LLGL2: variants seen among roughly 807,000 people sequenced by gnomAD.
LLGL2 encodes LLGL2, scribble cell polarity complex component.
In LLGL2, 81 loss-of-function variants were observed where a neutral mutation model predicts 123.2. The observed-to-expected ratio is 0.66, with a 90% CI of 0.55 to 0.79. The LOEUF (loss-of-function observed/expected upper bound fraction) is 0.79, where lower values mean the gene tolerates loss of function less well. Among genes scored for constraint, LLGL2 ranks in the 30% least tolerant of loss-of-function variants. The pLI, the probability that LLGL2 is intolerant of heterozygous loss-of-function variation, is 0.00. For synonymous variants in LLGL2, 577 were observed against 594.1 expected, an observed-to-expected ratio of 0.97 and a Z score of 0.42; for missense variants, 1,273 against 1,414.6, an observed-to-expected ratio of 0.90 and a Z score of 1.61.
At position 75,543,458 on chromosome 17, in the gene LLGL2, C is replaced by T; in HGVS notation, c.32C>T (p.Pro11Leu). 1 of 1,612,224 alleles carries T rather than the reference C, an allele frequency of 6.2e-7. No individual in the cohort carries two copies. The highest frequency in any genetic ancestry group is 1.3e-5 in the African/African-American group (1 of 75,008). ...CGGTTCCTGAGGCCAGGGCATGACC[C>T]TGTGCGGGAGAGGCTCAAGCGGGAC... MRRFLRPGHD[P>L]VRERLKRDLF... Residue 11 changes from proline (P) to leucine (L), a missense_variant, in exon 2 of 26, where the codon CCT becomes CTT. Transcript: ENST00000392550.
intron 1 of LLGL2, among the ~76,000 whole-genome samples, chr17:75,537,567 G>A (rs970804348): frequency 2.0e-5 from 3 of 152,162 alleles, no homozygotes; most frequent in African/African-American, 7.2e-5. Flanking sequence ...GCATGGTGGT[G>A]GACACCTGTA....
In LLGL2 at chr17:75,559,399, G is replaced by A. The variant is rs762056131; in HGVS notation, c.519G>A (p.Ala173=). The part of the protein sequence containing the change: ...ALEDRTISSD[A]VLQRLPEEAR... ...AGGACCGGACCATCAGCTCGGACGC[G>A]GTGCTGCAGCGGTGAGCCCAGAGCC... The change falls in exon 6 of 26, where the codon GCG becomes GCA. Residue 173 remains alanine (A), a synonymous_variant. Coordinates refer to ENST00000392550, the MANE Select transcript of LLGL2 (RefSeq NM_001031803.2). This position sits in a 1 kb window ranked among gnomAD's most constrained non-coding sequence, Gnocchi z 4.6. 3.5e-5 allele frequency: 57 copies of A among 1,608,444 alleles called. No individual in the cohort carries two copies. Among genetic ancestry groups the A allele is most frequent in the Middle Eastern group, 1.7e-4 (1 of 6,046 alleles).
chr17:75,575,102 A>G lies in LLGL2; in HGVS notation c.*224A>G. On this transcript the variant is annotated 3_prime_UTR_variant, in exon 26 of 26. Transcript: ENST00000392550. ...GTCTGGGTCCTTTGGTCAATGTTGC[A>G]CAGTTTTTATTGCTCCCATCCCTTT... 1 of 614,912 alleles carries G rather than the reference A, an allele frequency of 1.6e-6. No individual in the cohort carries two copies. Among genetic ancestry groups the G allele is most frequent in the Non-Finnish European group, 2.9e-6 (1 of 344,958 alleles). 38.1% of individuals were successfully genotyped at this position (614,912 alleles called of 1,614,324 possible).
intron 1 of LLGL2, among the ~76,000 whole-genome samples, chr17:75,540,896 C>T (rs555307724): frequency 1.3e-5 from 2 of 152,300 alleles, no homozygotes; most frequent in African/African-American, 4.8e-5. Flanking sequence ...ATTCAGCGAC[C>T]CATGACTGTG....
intron 16 of LLGL2, among the ~76,000 whole-genome samples, 172 bp downstream of exon 16, chr17:75,570,670 A>G (rs1302732895): frequency 2.0e-5 from 3 of 152,226 alleles, no homozygotes; most frequent in African/African-American, 7.2e-5. Flanking sequence ...TCTCTGCCTC[A>G]GCTTCCTGAG....
At chr17:75,532,642 C>T (rs1717158190) in intron 1 of LLGL2, 1 of 152,230 alleles carries the variant, frequency 6.6e-6, no homozygotes, top group South Asian at 2.1e-4. Context: ...TCAGGCTGGT[C>T]TCTAACTCCT....
In LLGL2 at chr17:75,573,149, G is replaced by A; in HGVS notation, c.2596G>A (p.Val866Ile). ...GGACTACGGGGAGCACCACCTGGCA[G>A]TCCTTACCAACCTGGGCGACATCCA... Reference protein sequence around the residue: ...AEDYGEHHLAVLTNLGDIQVV... With the variant: ...AEDYGEHHLAILTNLGDIQVV... The change falls in exon 20 of 26, where the codon GTC becomes ATC. Residue 866 changes from valine (V) to isoleucine (I), a missense_variant. Val to Ile is a conservative substitution (Grantham distance 29). Transcript: ENST00000392550. 3.1e-6 allele frequency: 5 copies of A among 1,613,100 alleles called. No homozygotes were observed. The highest frequency in any genetic ancestry group is 4.2e-6 in the Non-Finnish European group (5 of 1,179,970).
Position 75,564,517 on chromosome 17 carries a change from C to T in LLGL2, c.1036+10C>T. On this transcript the variant is annotated intron_variant, in intron 10 of 25. Coordinates refer to ENST00000392550, the MANE Select transcript of LLGL2 (RefSeq NM_001031803.2). The surrounding 1 kb of genome is among the most constrained non-coding windows in gnomAD (Gnocchi z 4.9). ...GCAGACCCTGCAGCCAGTAGGAGAG[C>T]TTCGGGAGTGGGTGCCCAGGGTTAG... The T allele has an allele frequency of 6.2e-7, 1 of 1,612,998 alleles. No homozygotes were observed. Among genetic ancestry groups the T allele is most frequent in the African/African-American group, 1.3e-5 (1 of 75,032 alleles).
At chr17:75,550,282 C>T (rs550702045) in intron 2 of LLGL2, among the ~76,000 whole-genome samples, 1 of 152,324 alleles carries the variant, frequency 6.6e-6, no homozygotes, top group African/African-American at 2.4e-5. Flanking sequence ...GGGCTGAGCC[C>T]AACCTCCTGT....
chr17:75,558,015 A>G lies in LLGL2; in HGVS notation c.174-140A>G, dbSNP rs764575191. ...GTGTCTCCTCCCCACCCTAGGCTCC[A>G]TGCATGGGTCCTGCTGCCTCGGGGG... On this transcript the variant is annotated intron_variant, in intron 3 of 25. Coordinates refer to ENST00000392550, the MANE Select transcript of LLGL2 (RefSeq NM_001031803.2). This position sits in a 1 kb window ranked among gnomAD's most constrained non-coding sequence, Gnocchi z 4.0. The G allele has an allele frequency of 1.2e-6, 1 of 824,616 alleles. No homozygotes were observed. The highest frequency in any genetic ancestry group is 2.1e-6 in the Non-Finnish European group (1 of 474,046). The allele number at this position is 824,616 out of a possible 1,614,324, so 51.1% of individuals were successfully genotyped here. A position where few individuals can be genotyped will look rare whatever the true frequency, so the allele number is the denominator to read the frequency against.
At chr17:75,571,480 C>G in intron 17 of LLGL2, 187 bp from the exon 18 acceptor site, 2 of 600,608 alleles carry the variant, frequency 3.3e-6, no homozygotes, top group Middle Eastern at 4.4e-4. Flanking sequence ...GGCTGGTTCT[C>G]CCCTGCTGTA....
chr17:75,551,425 C>G (rs544606786), intron 2 of LLGL2, among the ~76,000 whole-genome samples: 3 of 132,774 alleles, frequency 2.3e-5, no homozygotes, highest in African/African-American at 8.5e-5. Flanking sequence ...GGAAGGGATA[C>G]AAAGCTTAGT....
chr17:75,558,536 G>T lies in LLGL2; in HGVS notation c.280G>T (p.Asp94Tyr). 1 of 1,606,818 alleles carries T rather than the reference G, an allele frequency of 6.2e-7. No individual in the cohort carries two copies. Among genetic ancestry groups the T allele is most frequent in the South Asian group, 1.1e-5 (1 of 89,458 alleles). ...GQCQLVTLLD[D>Y]NSLHLWSLKV... ...GTGCCAGCTGGTCACCCTGCTGGAT[G>T]ACAACAGCCTGCACCTTTGGAGCCT... The change falls in exon 5 of 26, where the codon GAC becomes TAC. Residue 94 changes from aspartate (D) to tyrosine (Y), a missense_variant. By Grantham distance (160) the Asp-to-Tyr change is radical. Coordinates refer to ENST00000392550, the MANE Select transcript of LLGL2 (RefSeq NM_001031803.2). This position sits in a 1 kb window ranked among gnomAD's most constrained non-coding sequence, Gnocchi z 4.0.
rs1488409443 is a variant in LLGL2, at chr17:75,568,703, GC to G, written c.1254+13del. 1 of 1,613,186 alleles carries G rather than the reference GC, an allele frequency of 6.2e-7. No individual in the cohort carries two copies. Among genetic ancestry groups the G allele is most frequent in the African/African-American group, 1.3e-5 (1 of 74,804 alleles). On this transcript the variant is annotated intron_variant, in intron 11 of 25. Transcript: ENST00000392550. Reference sequence around the variant, plus strand: ...ACACTTCTCCACCATGGTAGGTCTGGCCCTGGCCCCAGCCCCAGCCCCACCG... The same window carrying G: ...ACACTTCTCCACCATGGTAGGTCTGGCCTGGCCCCAGCCCCAGCCCCACCG...
At position 75,559,026 on chromosome 17, in the gene LLGL2, G is replaced by A. The variant is rs1206094691; in HGVS notation, c.372-226G>A. 1.2e-5 allele frequency: 7 copies of A among 595,788 alleles called. No individual in the cohort carries two copies. Among genetic ancestry groups the A allele is most frequent in the Admixed American group, 3.0e-5 (1 of 32,992 alleles). 36.9% of individuals were successfully genotyped at this position (595,788 alleles called of 1,614,324 possible). On this transcript the variant is annotated intron_variant, in intron 5 of 25. Transcript: ENST00000392550. This position sits in a 1 kb window ranked among gnomAD's most constrained non-coding sequence, Gnocchi z 4.6. ...ACCCCGCCTCCTCCATCCGCACCCCGTGTTATGCTGGAGGGTCCCTGGCGT... is the reference window on the plus strand; with the variant it reads ...ACCCCGCCTCCTCCATCCGCACCCCATGTTATGCTGGAGGGTCCCTGGCGT...
At position 75,563,496 on chromosome 17, in the gene LLGL2, C is replaced by T. The variant is rs543972499; in HGVS notation, c.826+33C>T. On this transcript the variant is annotated intron_variant, in intron 8 of 25. Transcript: ENST00000392550. ...TTTCACCCGCCGGGCAGGGCCCACC[C>T]CCAGTGCCTCCTGGATTCAGGTGCA... The T allele has an allele frequency of 1.2e-5, 19 of 1,608,062 alleles. No individual in the cohort carries two copies. In the South Asian group the frequency reaches 1.7e-4, roughly 14 times the overall value.
intron 1 of LLGL2, 50 bp from the exon 2 acceptor site, chr17:75,543,347 C>A (rs1598538830): frequency 1.5e-6 from 2 of 1,355,936 alleles, no homozygotes; most frequent in South Asian, 1.4e-5. Flanking sequence ...CGGGCCTAAT[C>A]GATACCTGAG....
chr17:75,536,910 T>C (rs543565968), intron 1 of LLGL2, among the ~76,000 whole-genome samples: 1 of 152,072 alleles, frequency 6.6e-6, no homozygotes, highest in Non-Finnish European at 1.5e-5. Context: ...TCACTGCAAC[T>C]TCCACCTCCC....
chr17:75,571,173 G>C, intron 17 of LLGL2, 73 bp downstream of exon 17: 1 of 1,404,228 alleles, frequency 7.1e-7, no homozygotes, highest in Non-Finnish European at 9.8e-7. Context: ...GGGGCATGCC[G>C]GGGGCTGCTG....
Sources: allele counts gnomAD v4.1 joint callset (sites outside exome capture counted in the v4.1 genomes callset), GRCh38; gene constraint gnomAD v4.1.1; non-coding constraint Gnocchi (gnomAD v3.1); transcripts MANE v1.5; gene names NCBI Gene and HGNC (gene_info 2026-07-23, HGNC 2026-07-21).